Variants in VWA8 observed in about 807,000 individuals in gnomAD.
VWA8 encodes von Willebrand factor A domain containing 8, also known as von Willebrand factor A domain-containing protein 8.
In VWA8, 221 loss-of-function variants were observed where a neutral mutation model predicts 241.5. The ratio of observed to expected loss-of-function variants is 0.91; its 90% confidence interval spans 0.82 to 1.02. The LOEUF is 1.02. Among genes scored for constraint, VWA8 ranks in the 50% least tolerant of loss-of-function variants. The pLI is 0.00. For missense variants in VWA8, 2,322 were observed against 2,328.7 expected (o/e 1.00, Z 0.06); for synonymous variants, 852 against 827.1 (o/e 1.03, Z -0.52).
At position 41,567,025 on chromosome 13, in the gene VWA8, G is replaced by GT. The variant is rs1184269065; in HGVS notation, c.*1171dup. On this transcript the variant is annotated 3_prime_UTR_variant, in exon 45 of 45. Transcript: ENST00000379310. ...TAATAGTTTTTCCAACTTAAGACCA[G>GT]TTTTTTCAACTCACTGGTGCCCTAA... 3 of 152,156 alleles carry GT rather than the reference G, an allele frequency of 2.0e-5. No homozygotes were observed. Among genetic ancestry groups the GT allele is most frequent in the East Asian group, 1.9e-4 (1 of 5,196 alleles). 9.4% of individuals were successfully genotyped at this position (152,156 alleles called of 1,614,324 possible).
chr13:41,568,788 CTCT>C (rs1263960778), intron 44 of VWA8, among the ~76,000 whole-genome samples: 4 of 152,166 alleles, frequency 2.6e-5, no homozygotes, highest in Non-Finnish European at 4.4e-5. Context: ...TTGCCTCTCT[CTCT>C]TTTTTTTGGT....
At chr13:41,697,235 T>A (rs536060178) in intron 29 of VWA8, among the ~76,000 whole-genome samples, 1 of 152,294 alleles carries the variant, frequency 6.6e-6, no homozygotes, top group Non-Finnish European at 1.5e-5. Flanking sequence ...CTAGAATCTG[T>A]CATTGCTTAT....
intron 43 of VWA8, among the ~76,000 whole-genome samples, chr13:41,573,483 A>T (rs1302919405): frequency 1.6e-5 from 2 of 128,588 alleles, no homozygotes; most frequent in African/African-American, 6.2e-5. Context: ...TTAAAAAAAA[A>T]AAAATATATA....
At chr13:41,672,036 G>C (rs1482902525) in intron 36 of VWA8, among the ~76,000 whole-genome samples, 1 of 152,072 alleles carries the variant, frequency 6.6e-6, no homozygotes, top group African/African-American at 2.4e-5. Context: ...GACAGTGGAC[G>C]ACACTAGCTT....
chr13:41,828,017 G>A lies in VWA8; in HGVS notation c.1700+2512C>T, dbSNP rs573301336. Among the ~76,000 whole-genome samples, 19 of 152,246 alleles carry A rather than the reference G, an allele frequency of 1.2e-4. No homozygotes were observed. In the South Asian group the frequency reaches 3.3e-3, roughly 27 times the overall value. ...GACCCGTGATTCACATGCAAATAAT[G>A]TGCCAAAGCCGACTGCTATTAACCA... On this transcript the variant is annotated intron_variant, in intron 14 of 44. Transcript: ENST00000379310.
intron 23 of VWA8, among the ~76,000 whole-genome samples, chr13:41,728,528 A>G (rs534653255): frequency 1.1e-4 from 17 of 152,118 alleles, no homozygotes; most frequent in African/African-American, 3.9e-4. Flanking sequence ...CTTAACTACA[A>G]CTGTGTTTCA....
Position 41,685,195 on chromosome 13 carries a change from T to A in VWA8, c.4179A>T (p.Lys1393Asn), listed in dbSNP as rs2045127595. ...AGAATGATGTATCAGTGCCACTTCG[T>A]TTATGCAAAGATGATGGTCTCTTCC... ...YSWKRPSSLH[K>N]RSGTDTSFYR... The change falls in exon 35 of 45, where the codon AAA becomes AAT. Residue 1393 changes from lysine (K) to asparagine (N), a missense_variant. Coordinates refer to ENST00000379310, the MANE Select transcript of VWA8 (RefSeq NM_015058.2). 1 of 1,613,320 alleles carries A rather than the reference T, an allele frequency of 6.2e-7. No homozygotes were observed. The highest frequency in any genetic ancestry group is 1.3e-5 in the African/African-American group (1 of 74,954).
intron 21 of VWA8, among the ~76,000 whole-genome samples, chr13:41,750,606 A>G (rs2045648615): frequency 6.6e-6 from 1 of 152,202 alleles, no homozygotes; most frequent in South Asian, 2.1e-4. Context: ...CAAATGTTCA[A>G]GACTTTAGTA....
At chr13:41,747,843 C>G (rs2045621672) in intron 21 of VWA8, among the ~76,000 whole-genome samples, 1 of 152,196 alleles carries the variant, frequency 6.6e-6, no homozygotes, top group South Asian at 2.1e-4. Flanking sequence ...TTTTCTGCAT[C>G]TATTGAGATA....
At chr13:41,795,018 T>C (rs1869626785) in intron 17 of VWA8, among the ~76,000 whole-genome samples, 1 of 151,936 alleles carries the variant, frequency 6.6e-6, no homozygotes, top group Non-Finnish European at 1.5e-5. Context: ...ACAGATAACA[T>C]CCAGAATGGG....
At chr13:41,895,788 C>G (rs1350533795) in intron 4 of VWA8, among the ~76,000 whole-genome samples, 1 of 149,302 alleles carries the variant, frequency 6.7e-6, no homozygotes, top group Non-Finnish European at 1.5e-5. Context: ...ATATAACAAA[C>G]TTCAGTTTAA....
chr13:41,742,598 T>C (rs188012860), intron 21 of VWA8, among the ~76,000 whole-genome samples: 28 of 152,218 alleles, frequency 1.8e-4, no homozygotes, highest in Non-Finnish European at 2.2e-4. Flanking sequence ...TTTTATTGGT[T>C]AATAATGCAA....
chr13:41,670,912 C>T (rs748317697), intron 37 of VWA8, 34 bp downstream of exon 37: 1 of 1,606,690 alleles, frequency 6.2e-7, no homozygotes, highest in African/African-American at 1.3e-5. Context: ...CTTGAATGTG[C>T]ACCTCTAAGA....
At chr13:41,676,087 A>T (rs955647035) in intron 35 of VWA8, among the ~76,000 whole-genome samples, 1 of 152,108 alleles carries the variant, frequency 6.6e-6, no homozygotes, top group African/African-American at 2.4e-5. Flanking sequence ...CAATCACAGT[A>T]TAATTGCATC....
chr13:41,617,356 T>C (rs908520485), intron 37 of VWA8, among the ~76,000 whole-genome samples: 9 of 152,120 alleles, frequency 5.9e-5, no homozygotes, highest in Non-Finnish European at 1.3e-4. Context: ...TGACCTCAAG[T>C]GATCCACCCG....
rs1256132503 is a variant in VWA8, at chr13:41,916,575, A to G, written c.242-4407T>C. Reference sequence around the variant, plus strand: ...GGATCTACTTCTCAAAGAAAATCCAACTTTCACTTATTCATGTTTTAGTAT... The same window carrying G: ...GGATCTACTTCTCAAAGAAAATCCAGCTTTCACTTATTCATGTTTTAGTAT... On this transcript the variant is annotated intron_variant, in intron 2 of 44. Transcript: ENST00000379310. 3.3e-5 allele frequency among the ~76,000 whole-genome samples: 5 copies of G among 152,348 alleles called. No homozygotes were observed. The East Asian group carries it at 7.7e-4, about 23-fold the overall frequency.
intron 42 of VWA8, among the ~76,000 whole-genome samples, chr13:41,579,614 A>G (rs1326469581): frequency 6.6e-6 from 1 of 152,128 alleles, no homozygotes; most frequent in Non-Finnish European, 1.5e-5. Flanking sequence ...CTGTCTTACC[A>G]CCTCCCAGGG....
intron 20 of VWA8, among the ~76,000 whole-genome samples, chr13:41,767,728 A>G (rs2045789070): frequency 6.6e-6 from 1 of 152,212 alleles, no homozygotes; most frequent in Non-Finnish European, 1.5e-5. Context: ...CCTCCCTATC[A>G]AAATCATAAC....
chr13:41,886,712 C>G (rs1874556811), intron 7 of VWA8, 69 bp downstream of exon 7: 11 of 1,220,662 alleles, frequency 9.0e-6, no homozygotes, highest in Non-Finnish European at 1.3e-5. Flanking sequence ...ATTAATTAAT[C>G]AATCAATCAA....
Sources: gnomAD v4.1 joint callset for allele counts (sites outside exome capture counted in the v4.1 genomes callset) on GRCh38, gnomAD v4.1.1 for gene constraint, MANE v1.5 for transcripts, NCBI Gene and HGNC (gene_info 2026-07-23, HGNC 2026-07-21) for gene names.